The following SLC9A4 variants were observed in gnomAD, a reference collection of about 807,000 sequenced individuals.
The protein encoded by SLC9A4 is solute carrier family 9 member A4.
In SLC9A4, 63 loss-of-function variants were observed where a neutral mutation model predicts 67.4. The ratio of observed to expected loss-of-function variants is 0.93; its 90% CI spans 0.76 to 1.15. The LOEUF (loss-of-function observed/expected upper bound fraction) is 1.15. Ranked by LOEUF, SLC9A4 falls within the 50% of genes most tolerant of loss-of-function variation. The pLI is 0.00. For synonymous variants in SLC9A4, 393 were observed against 367.2 expected (o/e 1.07, Z -0.80); for missense variants, 1,089 against 987.7 (o/e 1.10, Z -1.38).
rs533085017 is a variant in SLC9A4, at chr2:102,505,537, G to C, written c.1198+66G>C. ...ATTTTCAGTTCTCTTATTCCCTTCC[G>C]CAATGTTAAAACTGGAGGACTGAGT... On this transcript the variant is annotated intron_variant, in intron 4 of 11. Transcript: ENST00000295269. 2.8e-5 allele frequency: 42 copies of C among 1,505,448 alleles called. No individual in the cohort carries two copies. The South Asian group carries it at 4.8e-4, about 17-fold the overall frequency. 93.3% of individuals were successfully genotyped at this position (1,505,448 alleles called of 1,614,324 possible).
Position 102,479,211 on chromosome 2 carries a change from C to G in SLC9A4, c.629C>G (p.Ala210Gly), listed in dbSNP as rs761153250. 1 of 1,614,170 alleles carries G rather than the reference C, an allele frequency of 6.2e-7. No individual in the cohort carries two copies. Among genetic ancestry groups the G allele is most frequent in the Non-Finnish European group, 8.5e-7 (1 of 1,180,026 alleles). The change falls in exon 2 of 12, where the codon GCC (alanine) becomes GGC (glycine). Residue 210 changes from alanine to glycine, a missense_variant. By Grantham distance (60) the Ala-to-Gly change is moderately conservative. Coordinates refer to ENST00000295269, the MANE Select transcript of SLC9A4 (RefSeq NM_001011552.4). ...CTGATCTCCGCCGTGGACCCAGTGG[C>G]CGTGCTAGCCGTGTTTGAGGAAGCG... Reference protein sequence around the residue: ...GSLISAVDPVAVLAVFEEARV... With the variant: ...GSLISAVDPVGVLAVFEEARV...
chr2:102,476,538 G>A (rs181986174), intron 1 of SLC9A4, among the ~76,000 whole-genome samples: 2 of 152,312 alleles, frequency 1.3e-5, no homozygotes, highest in Admixed American at 6.5e-5. Flanking sequence ...ACCATTTCAG[G>A]AAACTGGATT....
Position 102,525,025 on chromosome 2 carries a change from C to T in SLC9A4, c.1820C>T (p.Thr607Ile). ...TTTGACATTCCATTTTCTCTGCAGA[C>T]CCTGTCCTACAACAAATACAACCTC... ...TSNMYQVRQRTLSYNKYNLKP... is the reference protein window; with the variant it reads ...TSNMYQVRQRILSYNKYNLKP... The change falls in exon 10 of 12, where the codon ACC becomes ATC. Residue 607 changes from threonine to isoleucine, a missense_variant and splice_region_variant. By Grantham distance (89) the Thr-to-Ile change is moderately conservative. Coordinates refer to ENST00000295269, the MANE Select transcript of SLC9A4 (RefSeq NM_001011552.4). 1.2e-6 allele frequency: 2 copies of T among 1,613,912 alleles called. No homozygotes were observed. The highest frequency in any genetic ancestry group is 1.3e-5 in the African/African-American group (1 of 75,016).
intron 7 of SLC9A4, among the ~76,000 whole-genome samples, chr2:102,513,233 G>C (rs11676371): frequency 0.74 from 113,082 of 152,020 alleles, 42,476 homozygotes; most frequent in Middle Eastern, 0.8. Flanking sequence ...GAGCCGAGCT[G>C]GGACAGCAAA....
chr2:102,478,031 A>G (rs1684369611), intron 1 of SLC9A4, among the ~76,000 whole-genome samples: 1 of 152,234 alleles, frequency 6.6e-6, no homozygotes, highest in African/African-American at 2.4e-5. Flanking sequence ...TCTTTGCACA[A>G]CTAATACCCT....
At position 102,533,211 on chromosome 2, in the gene SLC9A4, A is replaced by G. The variant is rs1478782469; in HGVS notation, c.*523A>G. 5 of 154,890 alleles carry G rather than the reference A, an allele frequency of 3.2e-5. No individual in the cohort carries two copies. Among genetic ancestry groups the G allele is most frequent in the South Asian group, 2.0e-4 (1 of 4,982 alleles). 9.6% of individuals were successfully genotyped at this position (154,890 alleles called of 1,614,324 possible). ...ATTTGATTTTGATTTCATATTCAAT[A>G]TGCAATAATTATGTTCTATCAGAGA... is the stretch of plus-strand genomic sequence containing the variant. On this transcript the variant is annotated 3_prime_UTR_variant, in exon 12 of 12. Transcript: ENST00000295269.
rs141000615 is a variant in SLC9A4 at position 102,477,097 on chromosome 2, G to A, written c.257-1742G>A. On this transcript the variant is annotated intron_variant, in intron 1 of 11. Transcript: ENST00000295269. ...ACAATTCCCAAGGAGATATTTGCTG[G>A]CTCCCCATGGCCTATGGCTGGAAGT... Among the ~76,000 whole-genome samples the A allele has an allele frequency of 7.5e-3, 1,140 of 152,280 alleles. 11 individuals are homozygous for A. The highest frequency in any genetic ancestry group is 0.026 in the African/African-American group (1,081 of 41,550).
At position 102,532,908 on chromosome 2, in the gene SLC9A4, C is replaced by A; in HGVS notation, c.*220C>A. 1 of 462,724 alleles carries A rather than the reference C, an allele frequency of 2.2e-6. No homozygotes were observed. The highest frequency in any genetic ancestry group is 3.6e-5 in the South Asian group (1 of 27,672). The allele number at this position is 462,724 out of a possible 1,614,324, so 28.7% of individuals were successfully genotyped here. Reference sequence around the variant, plus strand: ...TGTGGGGTACCTTTAGATGAATTCCCTGTGAGTGAGAGAAGTTGATCACCC... The same window carrying A: ...TGTGGGGTACCTTTAGATGAATTCCATGTGAGTGAGAGAAGTTGATCACCC... On this transcript the variant is annotated 3_prime_UTR_variant, in exon 12 of 12. Transcript: ENST00000295269.
intron 5 of SLC9A4, 141 bp downstream of exon 5, chr2:102,508,422 T>G (rs992123013): frequency 2.5e-6 from 2 of 795,726 alleles, no homozygotes; most frequent in Non-Finnish European, 3.9e-6. Context: ...GATTTCTAGA[T>G]CATGTTTGTG....
At position 102,488,263 on chromosome 2, in the gene SLC9A4, G is replaced by A. The variant is rs992560317; in HGVS notation, c.720+8961G>A. On this transcript the variant is annotated intron_variant, in intron 2 of 11. Coordinates refer to ENST00000295269, the MANE Select transcript of SLC9A4 (RefSeq NM_001011552.4). ...GGAAAAAAAACATGCCCGGTGTCAC[G>A]TGAAAAACCCCATGAGTTGGCTGTT... Among the ~76,000 whole-genome samples the A allele has an allele frequency of 2.6e-5, 4 of 152,090 alleles. No homozygotes were observed. The East Asian group carries it at 7.7e-4, about 29-fold the overall frequency.
At chr2:102,529,819 T>C (rs1674742683) in intron 11 of SLC9A4, among the ~76,000 whole-genome samples, 1 of 152,216 alleles carries the variant, frequency 6.6e-6, no homozygotes, top group South Asian at 2.1e-4. Flanking sequence ...TTTCTTGTTC[T>C]GGATGTCTTG....
chr2:102,492,052 G>C (rs562254741), intron 2 of SLC9A4, among the ~76,000 whole-genome samples: 8 of 152,366 alleles, frequency 5.3e-5, no homozygotes, highest in African/African-American at 1.7e-4. Flanking sequence ...CTCACATCCA[G>C]GTCATGCTAA....
intron 2 of SLC9A4, among the ~76,000 whole-genome samples, chr2:102,485,470 G>C (rs1232039968): frequency 6.6e-6 from 1 of 152,210 alleles, no homozygotes; most frequent in African/African-American, 2.4e-5. Context: ...GATCCCTCAT[G>C]CTAGAATTCC....
rs184229235 is a variant in SLC9A4, at chr2:102,505,536, C to T, written c.1198+65C>T. ...CATTTTCAGTTCTCTTATTCCCTTC[C>T]GCAATGTTAAAACTGGAGGACTGAG... On this transcript the variant is annotated intron_variant, in intron 4 of 11. Transcript: ENST00000295269. The T allele has an allele frequency of 5.7e-4, 866 of 1,509,612 alleles. 7 individuals carry two copies. Among genetic ancestry groups the T allele is most frequent in the Middle Eastern group, 1.8e-4 (1 of 5,696 alleles). 93.5% of individuals were successfully genotyped at this position (1,509,612 alleles called of 1,614,324 possible).
At chr2:102,482,649 T>A (rs1390966024) in intron 2 of SLC9A4, among the ~76,000 whole-genome samples, 1 of 152,152 alleles carries the variant, frequency 6.6e-6, no homozygotes, top group Non-Finnish European at 1.5e-5. Flanking sequence ...ATCCAAGTTT[T>A]TTGGAGGTTA....
At chr2:102,515,540 T>C (rs1372926122) in intron 8 of SLC9A4, among the ~76,000 whole-genome samples, 1 of 151,584 alleles carries the variant, frequency 6.6e-6, no homozygotes, top group Non-Finnish European at 1.5e-5. Context: ...AAACTTCTGA[T>C]ATTAAAATGG....
chr2:102,503,946 A>G (rs1207058564), intron 3 of SLC9A4, among the ~76,000 whole-genome samples: 2 of 152,248 alleles, frequency 1.3e-5, no homozygotes, highest in African/African-American at 4.8e-5. Context: ...CATAGCAATT[A>G]TCACGTCAAT....
intron 11 of SLC9A4, among the ~76,000 whole-genome samples, chr2:102,531,560 G>C (rs1674779697): frequency 6.6e-6 from 1 of 152,098 alleles, no homozygotes; most frequent in Admixed American, 6.5e-5. Flanking sequence ...TCAAACTCTG[G>C]TCCCATATTC....
chr2:102,518,239 C>T (rs1489586117), intron 8 of SLC9A4, among the ~76,000 whole-genome samples: 1 of 152,198 alleles, frequency 6.6e-6, no homozygotes, highest in Non-Finnish European at 1.5e-5. Context: ...GTTACAGCTA[C>T]TGCTATATCA....
Sources: allele counts gnomAD v4.1 joint callset (sites outside exome capture counted in the v4.1 genomes callset), GRCh38; gene constraint gnomAD v4.1.1; transcripts MANE v1.5; gene names NCBI Gene and HGNC (gene_info 2026-07-23, HGNC 2026-07-21).